ANO1: variants seen among roughly 807,000 people sequenced by gnomAD.
ANO1 encodes anoctamin-1.
In ANO1, 59 loss-of-function variants were observed where a neutral mutation model predicts 124.0. The observed-to-expected ratio is 0.48, with a 90% CI of 0.39 to 0.59. ANO1 has a LOEUF of 0.59. Ranked by LOEUF, ANO1 falls within the 20% of genes least tolerant of loss-of-function variation. The pLI, the probability that ANO1 is intolerant of heterozygous loss-of-function variation, is 0.00. For synonymous variants in ANO1, 529 were observed against 532.0 expected (o/e 0.99, Z 0.08); for missense variants, 1,059 against 1,328.0 (o/e 0.80, Z 3.15).
upstream of ANO1, among the ~76,000 whole-genome samples, chr11:70,076,325 C>T (rs1478372033): frequency 6.6e-6 from 1 of 152,162 alleles, no homozygotes; most frequent in African/African-American, 2.4e-5. Context: ...GGAGATGGCC[C>T]CCCAGCAGGC....
At chr11:70,166,958 C>A (rs753518852) in intron 20 of ANO1, among the ~76,000 whole-genome samples, 32 of 152,080 alleles carry the variant, frequency 2.1e-4, no homozygotes, top group Non-Finnish European at 3.4e-4. Flanking sequence ...CCGGCCTGGG[C>A]AACACTGTGA....
chr11:70,061,726 A>G (rs1042431588), intron 1 of ANO1, among the ~76,000 whole-genome samples: 6 of 152,108 alleles, frequency 3.9e-5, no homozygotes, highest in African/African-American at 1.4e-4. Flanking sequence ...AGAGCTCCCC[A>G]TGATGCTTCT....
intron 23 of ANO1, among the ~76,000 whole-genome samples, chr11:70,181,730 C>G (rs1207731929): frequency 6.6e-6 from 1 of 151,830 alleles, no homozygotes; most frequent in Non-Finnish European, 1.5e-5. Flanking sequence ...AATTCAAGAC[C>G]AGCCTGGCCA....
intron 1 of ANO1, among the ~76,000 whole-genome samples, chr11:70,040,505 G>A (rs191784967): frequency 3.3e-5 from 5 of 152,190 alleles, no homozygotes; most frequent in East Asian, 1.9e-4. Flanking sequence ...AGTGAAACCC[G>A]TCACTACTGA....
chr11:70,077,076 G>T (rs773392466), upstream of ANO1, among the ~76,000 whole-genome samples: 5 of 152,132 alleles, frequency 3.3e-5, no homozygotes, highest in South Asian at 4.1e-4. Flanking sequence ...CTGACTCCAG[G>T]TTCCATGCTT....
rs960743724 is a variant in ANO1 at position 70,137,664 on chromosome 11, G to A, written c.1258+5585G>A. Among the ~76,000 whole-genome samples, 3 of 146,030 alleles carry A rather than the reference G, an allele frequency of 2.1e-5. 1 individual carries two copies. Among genetic ancestry groups the A allele is most frequent in the South Asian group, 4.8e-4 (2 of 4,130 alleles). ...GGCTGACTTGGCTGCGTAGTAGGAC[G>A]GTTAGATACAGTCAAGGGGTTCACA... On this transcript the variant is annotated intron_variant, in intron 11 of 25. Coordinates refer to ENST00000355303, the MANE Select transcript of ANO1 (RefSeq NM_018043.7).
chr11:70,169,954 A>G (rs767275319), intron 21 of ANO1: 20 of 329,940 alleles, frequency 6.1e-5, no homozygotes, highest in Non-Finnish European at 1.1e-4. Context: ...CCACTCAGAA[A>G]CCTTTTCCTG....
chr11:70,135,075 G>A (rs2046904067), intron 11 of ANO1, among the ~76,000 whole-genome samples: 1 of 152,156 alleles, frequency 6.6e-6, no homozygotes, highest in Non-Finnish European at 1.5e-5. Flanking sequence ...TTAAGAGAGG[G>A]GTGACACAGT....
At chr11:69,966,526 T>A in the ANO1 span, among the ~76,000 whole-genome samples, 1 of 152,124 alleles carries the variant, frequency 6.6e-6, no homozygotes. Flanking sequence ...GGGGTGGCCC[T>A]GGCATTCGGA....
intron 1 of ANO1, among the ~76,000 whole-genome samples, chr11:70,083,340 C>G (rs1053976206): frequency 1.3e-5 from 2 of 152,084 alleles, no homozygotes; most frequent in Non-Finnish European, 2.9e-5. Flanking sequence ...GACAAAAACA[C>G]GAAGCTGTGT....
intron 11 of ANO1, among the ~76,000 whole-genome samples, chr11:70,142,243 G>A (rs1940237): frequency 0.02 from 3,022 of 152,168 alleles, 74 homozygotes; most frequent in African/African-American, 0.056. Context: ...GCAAAAAGCC[G>A]GAGAAAGATG....
chr11:70,086,159 A>C (rs1024677025), intron 1 of ANO1, among the ~76,000 whole-genome samples: 2 of 152,222 alleles, frequency 1.3e-5, no homozygotes, highest in South Asian at 4.1e-4. Context: ...CCAGGCGGCC[A>C]GCTCGAGGGA....
At chr11:70,069,197 AG>A (rs1555009006) in intron 1 of ANO1, among the ~76,000 whole-genome samples, 1 of 152,210 alleles carries the variant, frequency 6.6e-6, no homozygotes, top group Non-Finnish European at 1.5e-5. Flanking sequence ...TCCCTGACCA[AG>A]GAAAGGGTCC....
At position 70,189,495 on chromosome 11, in the gene ANO1, C is replaced by T. The variant is rs1193097893; in HGVS notation, c.*1491C>T. ...TACACAAATCCACAGAGGACTGTGGCTGGACATTCATCTAAATAAATTTGA... is the reference window on the plus strand; with the variant it reads ...TACACAAATCCACAGAGGACTGTGGTTGGACATTCATCTAAATAAATTTGA... On this transcript the variant is annotated 3_prime_UTR_variant, in exon 26 of 26. Coordinates refer to ENST00000355303, the MANE Select transcript of ANO1 (RefSeq NM_018043.7). 1 of 152,592 alleles carries T rather than the reference C, an allele frequency of 6.6e-6. No individual in the cohort carries two copies. The highest frequency in any genetic ancestry group is 1.5e-5 in the Non-Finnish European group (1 of 68,042). 9.5% of individuals were successfully genotyped at this position (152,592 alleles called of 1,614,324 possible). A position where few individuals can be genotyped will look rare whatever the true frequency, so the allele number is the denominator to read the frequency against.
At chr11:70,042,968 T>C (rs1025221724) in intron 1 of ANO1, among the ~76,000 whole-genome samples, 3 of 151,984 alleles carry the variant, frequency 2.0e-5, no homozygotes, top group Admixed American at 2.0e-4. Flanking sequence ...AATAAAAAAT[T>C]AGCAGGCAAG....
In ANO1 at chr11:69,990,024, A is replaced by T. The variant is rs571606796; in HGVS notation, c.58+3858A>T. ...ATAACATTTTAATCATTTTAAGTGT[A>T]GAATTCAGTGGCATTAAATACATTC... On this transcript the variant is annotated intron_variant, in intron 1 of 27. Transcript: ENST00000531349. Among the ~76,000 whole-genome samples the T allele has an allele frequency of 2.0e-5, 3 of 152,320 alleles. No homozygotes were observed. The East Asian group carries it at 5.8e-4, about 29-fold the overall frequency.
At chr11:70,092,163 C>CTCTCTGTTGTGTG (rs1373764130) in intron 2 of ANO1, among the ~76,000 whole-genome samples, 2 of 152,212 alleles carry the variant, frequency 1.3e-5, no homozygotes, top group Non-Finnish European at 2.9e-5. Context: ...TCACTCGGCC[C>CTCTCTGTTGTGTG]TCTCTGTTGT....
chr11:70,176,293 GT>G (rs1234533260), intron 22 of ANO1, among the ~76,000 whole-genome samples: 2 of 151,910 alleles, frequency 1.3e-5, no homozygotes, highest in African/African-American at 4.8e-5. Flanking sequence ...GATTGCAGGT[GT>G]GCGCCACCAG....
rs754427692 is a variant in ANO1, at chr11:70,187,866, G to T, written c.2823G>T (p.Lys941Asn). ...VELFMREEQD[K>N]QQLLETWMEK... Reference sequence around the variant, plus strand: ...TGTTCATGCGGGAGGAGCAAGACAAGCAGCAGCTGCTGGAAACCTGGATGG... The same window carrying T: ...TGTTCATGCGGGAGGAGCAAGACAATCAGCAGCTGCTGGAAACCTGGATGG... Residue 941 changes from lysine (K) to asparagine (N), a missense_variant, in exon 26 of 26, where the codon AAG becomes AAT. This residue lies in a region of ANO1 where 809 missense variants were observed against 1,094.9 expected (regional missense o/e 0.74). Transcript: ENST00000355303. The T allele has an allele frequency of 1.2e-6, 2 of 1,606,796 alleles. No homozygotes were observed. The highest frequency in any genetic ancestry group is 1.7e-5 in the Admixed American group (1 of 58,714).
Sources: allele counts gnomAD v4.1 joint callset (sites outside exome capture counted in the v4.1 genomes callset), GRCh38; gene constraint gnomAD v4.1.1; regional missense constraint gnomAD v4.1.1; transcripts MANE v1.5; gene names NCBI Gene and HGNC (gene_info 2026-07-23, HGNC 2026-07-21).